The following ZBTB44 variants were observed in gnomAD, a reference collection of about 807,000 sequenced individuals.
The protein encoded by ZBTB44 is zinc finger and BTB domain containing 44.
In ZBTB44, 15 loss-of-function variants were observed where a neutral mutation model predicts 54.0. The observed-to-expected ratio is 0.28, with a 90% CI of 0.19 to 0.43. ZBTB44 has a LOEUF of 0.43. Ranked by LOEUF, ZBTB44 falls within the 20% of genes least tolerant of loss-of-function variation. The probability of loss-of-function intolerance (pLI) is 1.00; values close to 1 mark genes in which losing one functional copy is unlikely to be tolerated. For missense variants in ZBTB44, 487 were observed against 707.1 expected, an observed-to-expected ratio of 0.69 and a Z score of 3.53; for synonymous variants, 230 against 250.1, an observed-to-expected ratio of 0.92 and a Z score of 0.76.
Position 130,238,523 on chromosome 11 carries a change from G to C in ZBTB44, c.1188C>G (p.Asp396Glu). The C allele has an allele frequency of 9.3e-6, 15 of 1,612,348 alleles. No homozygotes were observed. The highest frequency in any genetic ancestry group is 2.2e-5 in the South Asian group (2 of 90,456). The change falls in exon 4 of 8, where the codon GAC becomes GAG. Residue 396 changes from aspartate to glutamate, a missense_variant. Asp to Glu is a conservative substitution (Grantham distance 45). Transcript: ENST00000357899. Reference sequence around the variant, plus strand: ...CGCAGGTTGGACACTGAAAAGGTCTGTCGGGACCATTTGGACTTGGTCGCT... The same window carrying C: ...CGCAGGTTGGACACTGAAAAGGTCTCTCGGGACCATTTGGACTTGGTCGCT... Reference protein sequence around the residue: ...STERPSPNGPDRPFQCPTCGV... With the variant: ...STERPSPNGPERPFQCPTCGV...
intron 2 of ZBTB44, among the ~76,000 whole-genome samples, chr11:130,257,210 G>T (rs138414288): frequency 7.2e-6 from 1 of 139,720 alleles, no homozygotes; most frequent in Non-Finnish European, 1.5e-5. Context: ...AACACAACTT[G>T]CATGTTCAGC....
intron 2 of ZBTB44, among the ~76,000 whole-genome samples, chr11:130,246,703 A>G (rs1954662322): frequency 6.6e-6 from 1 of 152,172 alleles, no homozygotes; most frequent in South Asian, 2.1e-4. Context: ...AAGGTTTTCA[A>G]TATAAGATCT....
At chr11:130,252,751 A>G in intron 2 of ZBTB44, among the ~76,000 whole-genome samples, 1 of 152,222 alleles carries the variant, frequency 6.6e-6, no homozygotes, top group East Asian at 1.9e-4. Context: ...AAAGCCTGGC[A>G]GAGACACAAC....
At chr11:130,304,645 A>T (rs1183484586) in intron 1 of ZBTB44, among the ~76,000 whole-genome samples, 2 of 152,176 alleles carry the variant, frequency 1.3e-5, no homozygotes, top group Non-Finnish European at 2.9e-5. Flanking sequence ...TGATTTTTCC[A>T]GTGCTCTACA....
At chr11:130,296,353 T>A in intron 1 of ZBTB44, 2 of 1,542,168 alleles carry the variant, frequency 1.3e-6, no homozygotes, top group Non-Finnish European at 1.8e-6. Flanking sequence ...TCATCTTGTA[T>A]GTCCGTGAAA....
chr11:130,236,496 A>G, intron 5 of ZBTB44: 1 of 270,294 alleles, frequency 3.7e-6, no homozygotes, highest in Non-Finnish European at 6.7e-6. Flanking sequence ...TTTAAGGTCC[A>G]TTACAGAATT....
intron 2 of ZBTB44, 57 bp downstream of exon 2, chr11:130,260,799 C>G (rs1267987662): frequency 2.6e-6 from 4 of 1,512,892 alleles, no homozygotes; most frequent in Admixed American, 4.5e-5. Flanking sequence ...CTAACAGGAA[C>G]TTAAAAATGT....
intron 2 of ZBTB44, among the ~76,000 whole-genome samples, chr11:130,241,750 T>G (rs1954372311): frequency 6.6e-6 from 1 of 152,198 alleles, no homozygotes; most frequent in African/African-American, 2.4e-5. Context: ...TTTGGTCTTG[T>G]TTTTAAAAAA....
chr11:130,312,182 C>T (rs765889211), intron 1 of ZBTB44, among the ~76,000 whole-genome samples: 33 of 152,158 alleles, frequency 2.2e-4, no homozygotes, highest in Non-Finnish European at 4.0e-4. Context: ...CCTCCAATAA[C>T]TGATTTAAGC....
chr11:130,260,745 C>T (rs1381442697), intron 2 of ZBTB44, 111 bp downstream of exon 2: 1 of 1,245,022 alleles, frequency 8.0e-7, no homozygotes, highest in Admixed American at 3.0e-5. Context: ...CCATGTTTTA[C>T]TCTTCTTTAT....
At chr11:130,290,127 GA>G (rs1306669104) in intron 1 of ZBTB44, among the ~76,000 whole-genome samples, 2 of 152,204 alleles carry the variant, frequency 1.3e-5, no homozygotes, top group Non-Finnish European at 2.9e-5. Flanking sequence ...CTTATACAAG[GA>G]AGGCAGATGT....
intron 1 of ZBTB44, among the ~76,000 whole-genome samples, chr11:130,309,645 T>G (rs1322728186): frequency 6.6e-6 from 1 of 151,844 alleles, no homozygotes; most frequent in African/African-American, 2.4e-5. Flanking sequence ...AGGCCAGGAT[T>G]ACACTTCAGG....
chr11:130,269,054 G>T, intron 1 of ZBTB44, among the ~76,000 whole-genome samples: 1 of 150,982 alleles, frequency 6.6e-6, no homozygotes, highest in East Asian at 2.0e-4. Context: ...ACTTTGGGAG[G>T]CCAAAGCGGG....
At chr11:130,260,810 T>A in intron 2 of ZBTB44, 46 bp downstream of exon 2, 1 of 1,524,860 alleles carries the variant, frequency 6.6e-7, no homozygotes. Flanking sequence ...TTAAAAATGT[T>A]TGAATTGACT....
chr11:130,253,873 T>C (rs570102730), intron 2 of ZBTB44, among the ~76,000 whole-genome samples: 17 of 152,200 alleles, frequency 1.1e-4, no homozygotes, highest in Admixed American at 9.8e-4. Flanking sequence ...AAAACAGATA[T>C]AGACCAATGG....
intron 1 of ZBTB44, chr11:130,285,814 C>A: frequency 5.6e-6 from 1 of 177,074 alleles, no homozygotes; most frequent in South Asian, 1.3e-4. Context: ...AGGCACACAA[C>A]AAATCCTGAG....
At position 130,261,796 on chromosome 11, in the gene ZBTB44, A is replaced by G; in HGVS notation, c.78T>C (p.Asn26=). 2 of 1,614,012 alleles carry G rather than the reference A, an allele frequency of 1.2e-6. No homozygotes were observed. The highest frequency in any genetic ancestry group is 1.7e-6 in the Non-Finnish European group (2 of 1,179,888). ...EMLGKLNMLR[N]DGHFCDITIR... Reference sequence around the variant, plus strand: ...TAGTGATATCACAAAAATGTCCATCATTTCGCAGCATATTTAGCTTTCCAA... The same window carrying G: ...TAGTGATATCACAAAAATGTCCATCGTTTCGCAGCATATTTAGCTTTCCAA... Residue 26 remains asparagine (N), a synonymous_variant, in exon 2 of 8, where the codon AAT becomes AAC. Transcript: ENST00000357899. This position sits in a 1 kb window ranked among gnomAD's most constrained non-coding sequence, Gnocchi z 4.8.
chr11:130,306,959 G>A (rs572107290), intron 1 of ZBTB44, among the ~76,000 whole-genome samples: 10 of 151,228 alleles, frequency 6.6e-5, no homozygotes, highest in African/African-American at 2.2e-4. Context: ...CTCAGGTGAC[G>A]GGTGCACCAA....
In ZBTB44 at chr11:130,234,279, T is replaced by C. The variant is rs1954010787; in HGVS notation, c.1569-6A>G. ...AGTCCGGTACTAGGAAATCACTAGA[T>C]AAGAGGCAAAGGATGAAATATGGAA... On this transcript the variant is annotated splice_region_variant and splice_polypyrimidine_tract_variant and intron_variant, in intron 5 of 7. Coordinates refer to ENST00000357899, the MANE Select transcript of ZBTB44 (RefSeq NM_001301098.2). The C allele has an allele frequency of 6.5e-7, 1 of 1,531,128 alleles. No homozygotes were observed. Among genetic ancestry groups the C allele is most frequent in the African/African-American group, 1.4e-5 (1 of 72,020 alleles). 94.8% of individuals were successfully genotyped at this position (1,531,128 alleles called of 1,614,324 possible). A position where few individuals can be genotyped will look rare whatever the true frequency, so the allele number is the denominator to read the frequency against.
Sources: allele counts gnomAD v4.1 joint callset (sites outside exome capture counted in the v4.1 genomes callset), GRCh38; gene constraint gnomAD v4.1.1; non-coding constraint Gnocchi (gnomAD v3.1); transcripts MANE v1.5; gene names NCBI Gene and HGNC (gene_info 2026-07-23, HGNC 2026-07-21).